OPCML: variants seen among roughly 807,000 people sequenced by gnomAD.
The protein encoded by OPCML is opioid binding protein/cell adhesion molecule like, also known as opioid-binding protein/cell adhesion molecule.
A neutral mutation model predicts 37.8 loss-of-function variants in OPCML; 13 were observed. The ratio of observed to expected loss-of-function variants is 0.34; its 90% CI spans 0.22 to 0.55. OPCML has a LOEUF of 0.55. Ranked by LOEUF, OPCML falls within the 20% of genes least tolerant of loss-of-function variation. OPCML has a pLI of 0.91. For synonymous variants in OPCML, 176 were observed against 168.8 expected (o/e 1.04, Z -0.33); for missense variants, 341 against 435.6 (o/e 0.78, Z 1.93).
At chr11:132,489,479 T>C (rs974685465) in intron 4 of OPCML, among the ~76,000 whole-genome samples, 3 of 152,214 alleles carry the variant, frequency 2.0e-5, no homozygotes, top group African/African-American at 4.8e-5. Context: ...TTCTGCTGTA[T>C]GTAATTATAC....
chr11:133,028,689 C>A, intron 1 of OPCML, among the ~76,000 whole-genome samples: 1 of 151,440 alleles, frequency 6.6e-6, no homozygotes, highest in African/African-American at 2.4e-5. Flanking sequence ...TACCTCTCAC[C>A]ATATACAAAA....
At chr11:133,090,710 G>A (rs1167775284) in intron 1 of OPCML, among the ~76,000 whole-genome samples, 1 of 152,092 alleles carries the variant, frequency 6.6e-6, no homozygotes, top group Non-Finnish European at 1.5e-5. Context: ...TCTCCTGACA[G>A]CTTATATGAA....
At chr11:132,701,157 C>G (rs562237643) in intron 2 of OPCML, among the ~76,000 whole-genome samples, 3 of 152,178 alleles carry the variant, frequency 2.0e-5, no homozygotes, top group African/African-American at 7.2e-5. Flanking sequence ...GGAAGCCTTA[C>G]AATCATGGTG....
intron 1 of OPCML, among the ~76,000 whole-genome samples, chr11:133,012,067 C>T (rs7925921): frequency 6.6e-6 from 1 of 152,162 alleles, no homozygotes; most frequent in Non-Finnish European, 1.5e-5. Context: ...TGGTTCTCTA[C>T]TGGGGACAAT....
chr11:132,620,799 G>A (rs1030339698), intron 3 of OPCML, among the ~76,000 whole-genome samples: 1 of 152,170 alleles, frequency 6.6e-6, no homozygotes, highest in Admixed American at 6.5e-5. Context: ...TGAACACCTT[G>A]GATGTCTAGA....
chr11:132,829,665 A>T (rs1202117783), intron 2 of OPCML, among the ~76,000 whole-genome samples: 2 of 152,136 alleles, frequency 1.3e-5, no homozygotes, highest in African/African-American at 4.8e-5. Context: ...CTCCAATGGG[A>T]TCCTTCATTT....
chr11:133,449,386 G>A lies in OPCML; in HGVS notation c.61+82878C>T, dbSNP rs148161342. Among the ~76,000 whole-genome samples the A allele has an allele frequency of 1.6e-3, 247 of 152,292 alleles. 1 individual carries two copies. The highest frequency in any genetic ancestry group is 0.01 in the Middle Eastern group (3 of 294). On this transcript the variant is annotated intron_variant, in intron 1 of 7. Transcript: ENST00000524381. The stretch of plus-strand genomic sequence containing the variant: ...GGTGTGGCTGTGTTTTAATAAAACC[G>A]GATTTATATGAAGAGGTAACAGCAG...
chr11:132,441,636 A>C (rs1053078059), intron 4 of OPCML, among the ~76,000 whole-genome samples: 2 of 152,224 alleles, frequency 1.3e-5, no homozygotes, highest in Admixed American at 1.3e-4. Flanking sequence ...CAATATAACA[A>C]GGTTGGAAGC....
At chr11:133,086,187 A>G (rs1454564584) in intron 1 of OPCML, among the ~76,000 whole-genome samples, 3 of 152,242 alleles carry the variant, frequency 2.0e-5, no homozygotes, top group Non-Finnish European at 4.4e-5. Context: ...GATGGTTTCT[A>G]TGAACACATT....
intron 1 of OPCML, among the ~76,000 whole-genome samples, chr11:133,271,675 T>A (rs1941838525): frequency 6.6e-6 from 1 of 152,170 alleles, no homozygotes; most frequent in Admixed American, 6.5e-5. Flanking sequence ...GTAGAACCAA[T>A]ATTCTCACCC....
intron 2 of OPCML, among the ~76,000 whole-genome samples, chr11:132,758,132 G>C (rs796857506): frequency 6.6e-6 from 1 of 152,004 alleles, no homozygotes; most frequent in South Asian, 2.1e-4. Flanking sequence ...TATTTCTGAG[G>C]GCTCTGTTCT....
At chr11:133,139,435 A>C (rs1019031420) in intron 1 of OPCML, among the ~76,000 whole-genome samples, 2 of 152,206 alleles carry the variant, frequency 1.3e-5, no homozygotes, top group Admixed American at 1.3e-4. Flanking sequence ...GAGGTTGCCC[A>C]GTGCTAAATA....
chr11:133,224,499 C>T (rs1272428164), intron 1 of OPCML, among the ~76,000 whole-genome samples: 3 of 152,198 alleles, frequency 2.0e-5, no homozygotes, highest in Admixed American at 1.3e-4. Flanking sequence ...GCTTAGAGGG[C>T]CAAGCTTCCC....
chr11:133,142,592 A>G lies in OPCML; in HGVS notation c.62-199582T>C, dbSNP rs56141598. On this transcript the variant is annotated intron_variant, in intron 1 of 7. Transcript: ENST00000524381. Reference sequence around the variant, plus strand: ...TCAGGCCAATGAGGACTGGGCTTTCATTTTACTCACATGGGTAGTCCTGGC... The same window carrying G: ...TCAGGCCAATGAGGACTGGGCTTTCGTTTTACTCACATGGGTAGTCCTGGC... Among the ~76,000 whole-genome samples, 1,088 of 152,246 alleles carry G rather than the reference A, an allele frequency of 7.1e-3. 7 individuals are homozygous for G. Among genetic ancestry groups the G allele is most frequent in the Middle Eastern group, 0.014 (4 of 294 alleles).
intron 1 of OPCML, among the ~76,000 whole-genome samples, chr11:133,310,883 T>A (rs1943053239): frequency 6.6e-6 from 1 of 152,226 alleles, no homozygotes; most frequent in African/African-American, 2.4e-5. Context: ...TCTGCTAACA[T>A]ACTTTGCTTT....
intron 4 of OPCML, among the ~76,000 whole-genome samples, chr11:132,489,800 C>A (rs918087121): frequency 6.6e-6 from 1 of 152,016 alleles, no homozygotes; most frequent in Non-Finnish European, 1.5e-5. Context: ...TTTTAAGCCC[C>A]GCATGCATTA....
chr11:132,976,820 G>A (rs1257703332), intron 1 of OPCML, among the ~76,000 whole-genome samples: 3 of 152,112 alleles, frequency 2.0e-5, no homozygotes, highest in East Asian at 3.9e-4. Context: ...AGAAAACAGT[G>A]TTCTTATTTG....
intron 2 of OPCML, among the ~76,000 whole-genome samples, chr11:132,742,960 C>T (rs187045240): frequency 9.2e-5 from 14 of 152,192 alleles, no homozygotes; most frequent in East Asian, 3.9e-4. Flanking sequence ...AATTACAATA[C>T]GTCCTACTAA....
At chr11:132,495,116 A>G (rs1226437823) in intron 4 of OPCML, among the ~76,000 whole-genome samples, 1 of 151,034 alleles carries the variant, frequency 6.6e-6, no homozygotes, top group Non-Finnish European at 1.5e-5. Context: ...TTCATTTTGC[A>G]CTTAGATTAT....
Sources: allele counts gnomAD v4.1 joint callset (sites outside exome capture counted in the v4.1 genomes callset), GRCh38; gene constraint gnomAD v4.1.1; transcripts MANE v1.5; gene names NCBI Gene and HGNC (gene_info 2026-07-23, HGNC 2026-07-21).